The following SNAP29 variants were observed in gnomAD, a reference collection of about 807,000 sequenced individuals.
SNAP29 encodes the protein synaptosomal-associated protein 29.
Under a neutral mutation model 27.9 loss-of-function variants are expected in SNAP29, and 13 were observed. That is an observed-to-expected ratio of 0.47 (90% CI 0.30 to 0.74). The LOEUF (loss-of-function observed/expected upper bound fraction) is 0.74. SNAP29 is among the 30% of genes least tolerant of loss of function. SNAP29 has a pLI of 0.06. For missense variants in SNAP29, 368 were observed against 336.5 expected (o/e 1.09, Z -0.73); for synonymous variants, 119 against 127.1 (o/e 0.94, Z 0.43).
intron 1 of SNAP29, among the ~76,000 whole-genome samples, chr22:20,860,553 T>C (rs1928271606): frequency 6.6e-6 from 1 of 151,634 alleles, no homozygotes; most frequent in South Asian, 2.1e-4. Flanking sequence ...GTATTTGTAG[T>C]GGAGACAGGG....
At chr22:20,887,540 A>C in intron 4 of SNAP29, 139 bp from the exon 5 acceptor site, 3 of 879,224 alleles carry the variant, frequency 3.4e-6, no homozygotes, top group Non-Finnish European at 5.8e-6. Flanking sequence ...CAATTAAGTC[A>C]AGACTCATCT....
Position 20,889,665 on chromosome 22 carries a change from G to A in SNAP29, c.*1829G>A, listed in dbSNP as rs1601658027. On this transcript the variant is annotated 3_prime_UTR_variant, in exon 5 of 5. Transcript: ENST00000215730. ...GCTTTTGTGCACGGTTCCACTTACT[G>A]TAATTGTTTCTGGTTCTTTCCTCTA... 2.0e-5 allele frequency: 3 copies of A among 152,208 alleles called. No homozygotes were observed. 9.4% of individuals were successfully genotyped at this position (152,208 alleles called of 1,614,324 possible).
chr22:20,890,091 C>T lies in SNAP29; in HGVS notation c.*2255C>T. On this transcript the variant is annotated 3_prime_UTR_variant, in exon 5 of 5. Transcript: ENST00000215730. ...CGTTCTACGTCCTGTGCTGAGGGGA[C>T]TGTCCGTAAGCTACAGGACAGCGAG... 1 of 395,380 alleles carries T rather than the reference C, an allele frequency of 2.5e-6. No individual in the cohort carries two copies. Among genetic ancestry groups the T allele is most frequent in the Non-Finnish European group, 4.5e-6 (1 of 224,648 alleles). 24.5% of individuals were successfully genotyped at this position (395,380 alleles called of 1,614,324 possible).
chr22:20,864,909 G>A (rs1408112595), intron 1 of SNAP29, among the ~76,000 whole-genome samples: 1 of 152,246 alleles, frequency 6.6e-6, no homozygotes, highest in East Asian at 1.9e-4. Flanking sequence ...TGCCTGTCCT[G>A]TGACCAGAAA....
At chr22:20,876,156 C>CA (rs1022119689) in intron 2 of SNAP29, among the ~76,000 whole-genome samples, 1,224 of 110,530 alleles carry the variant, frequency 0.011, 14 homozygotes, top group African/African-American at 0.03. Context: ...GACTCCATCT[C>CA]AAAAAAAAAA....
rs1033555502 is a variant in SNAP29 at position 20,883,518 on chromosome 22, C to G, written c.568C>G (p.Pro190Ala). The G allele has an allele frequency of 1.2e-6, 2 of 1,613,666 alleles. No homozygotes were observed. Among genetic ancestry groups the G allele is most frequent in the African/African-American group, 2.7e-5 (2 of 74,902 alleles). ...AGSAMSTDAY[P>A]KNPHLRAYHQ... The stretch of plus-strand genomic sequence containing the variant: ...TTCTGCCATGAGTACTGATGCTTAC[C>G]CAAAGAACCCACACCTTCGAGCCTA... The change falls in exon 4 of 5, where the codon CCA becomes GCA. Residue 190 changes from proline to alanine, a missense_variant. Physicochemically the swap from Pro to Ala is conservative, Grantham distance 27. Coordinates refer to ENST00000215730, the MANE Select transcript of SNAP29 (RefSeq NM_004782.4).
intron 4 of SNAP29, among the ~76,000 whole-genome samples, chr22:20,884,766 ATGTTT>A (rs361756): frequency 5.3e-4 from 80 of 150,904 alleles, no homozygotes; most frequent in Admixed American, 2.1e-3. Context: ...CTTAGTGATT[ATGTTT>A]TGTTTTGTTT....
intron 1 of SNAP29, 121 bp from the exon 2 acceptor site, chr22:20,870,216 C>T: frequency 2.4e-6 from 2 of 823,442 alleles, no homozygotes; most frequent in Admixed American, 1.9e-5. Flanking sequence ...TCACAGATGA[C>T]AGTACCCGTC....
chr22:20,860,280 C>T (rs1409323528), intron 1 of SNAP29, among the ~76,000 whole-genome samples: 1 of 151,606 alleles, frequency 6.6e-6, no homozygotes, highest in African/African-American at 2.4e-5. Flanking sequence ...TCGCTTGTAC[C>T]CGGGAGGCAG....
At chr22:20,881,212 G>A (rs927657329) in intron 3 of SNAP29, 78 bp downstream of exon 3, 5 of 1,017,642 alleles carry the variant, frequency 4.9e-6, no homozygotes, top group African/African-American at 4.8e-5. Flanking sequence ...TCCTTGGGGG[G>A]CAGTGGCAAC....
intron 1 of SNAP29, among the ~76,000 whole-genome samples, chr22:20,869,096 CA>C (rs762306785): frequency 2.6e-5 from 4 of 152,054 alleles, no homozygotes; most frequent in Non-Finnish European, 5.9e-5. Context: ...CCGTCTCTAC[CA>C]AAAATACAAA....
chr22:20,879,768 G>A (rs750638502), intron 2 of SNAP29, among the ~76,000 whole-genome samples: 34 of 150,216 alleles, frequency 2.3e-4, no homozygotes, highest in Non-Finnish European at 4.6e-4. Context: ...ACTTGAACCC[G>A]GGAGGCAGAG....
Position 20,887,939 on chromosome 22 carries a change from T to G in SNAP29, c.*103T>G, listed in dbSNP as rs1192363105. On this transcript the variant is annotated 3_prime_UTR_variant, in exon 5 of 5. Coordinates refer to ENST00000215730, the MANE Select transcript of SNAP29 (RefSeq NM_004782.4). ...CTATTTTAGTATGTAAATTAATGTG[T>G]GTTTGCAAATGTTATAATAGAGTAG... is the stretch of plus-strand genomic sequence containing the variant. 8.9e-7 allele frequency: 1 copy of G among 1,124,564 alleles called. No homozygotes were observed. Among genetic ancestry groups the G allele is most frequent in the African/African-American group, 1.5e-5 (1 of 64,552 alleles). 69.7% of individuals were successfully genotyped at this position (1,124,564 alleles called of 1,614,324 possible).
intron 1 of SNAP29, among the ~76,000 whole-genome samples, chr22:20,866,953 C>A (rs1015819378): frequency 6.6e-6 from 1 of 152,144 alleles, no homozygotes; most frequent in Non-Finnish European, 1.5e-5. Flanking sequence ...GCTTTAGTTT[C>A]TGCCTCCCCC....
chr22:20,890,247 T>C lies in SNAP29; in HGVS notation c.*2411T>C, dbSNP rs139989203. 2.1e-3 allele frequency: 833 copies of C among 398,524 alleles called. 9 individuals carry two copies. Among genetic ancestry groups the C allele is most frequent in the Non-Finnish European group, 9.0e-4 (204 of 226,048 alleles). 24.7% of individuals were successfully genotyped at this position (398,524 alleles called of 1,614,324 possible). ...GACGTAACATGGCTCCAGAAACTTTTCACATGATGATTGGGATCGACAAAA... is the reference window on the plus strand; with the variant it reads ...GACGTAACATGGCTCCAGAAACTTTCCACATGATGATTGGGATCGACAAAA... On this transcript the variant is annotated 3_prime_UTR_variant, in exon 5 of 5. Coordinates refer to ENST00000215730, the MANE Select transcript of SNAP29 (RefSeq NM_004782.4).
intron 1 of SNAP29, 121 bp downstream of exon 1, chr22:20,859,468 C>A: frequency 1.3e-6 from 1 of 774,986 alleles, no homozygotes; most frequent in Non-Finnish European, 2.3e-6. Flanking sequence ...ATTCTTGCAC[C>A]TTAGTGACTC....
chr22:20,862,023 G>A (rs2147859311), intron 1 of SNAP29, among the ~76,000 whole-genome samples: 1 of 152,304 alleles, frequency 6.6e-6, no homozygotes, highest in Middle Eastern at 3.4e-3. Context: ...GCCCACCTCA[G>A]CCTCCCAAAG....
At chr22:20,870,219 T>G in intron 1 of SNAP29, 118 bp from the exon 2 acceptor site, 4 of 840,544 alleles carry the variant, frequency 4.8e-6, no homozygotes, top group Non-Finnish European at 8.1e-6. Flanking sequence ...CAGATGACAG[T>G]ACCCGTCTCC....
Position 20,870,438 on chromosome 22 carries a change from G to C in SNAP29, c.339G>C (p.Lys113Asn), listed in dbSNP as rs369547656. Reference protein sequence around the residue: ...KISQKHINSIKSVFGGLVNYF... With the variant: ...KISQKHINSINSVFGGLVNYF... ...GCCAGAAACACATCAATAGCATTAAGAGCGTGTTTGGGGGGCTGGTCAATT... is the reference window on the plus strand; with the variant it reads ...GCCAGAAACACATCAATAGCATTAACAGCGTGTTTGGGGGGCTGGTCAATT... Residue 113 changes from lysine to asparagine, a missense_variant, in exon 2 of 5, where the codon AAG becomes AAC. Lys to Asn is a moderately conservative substitution (Grantham distance 94). Coordinates refer to ENST00000215730, the MANE Select transcript of SNAP29 (RefSeq NM_004782.4). 8.7e-6 allele frequency: 14 copies of C among 1,614,210 alleles called. No homozygotes were observed. The highest frequency in any genetic ancestry group is 1.2e-5 in the Non-Finnish European group (14 of 1,180,034).
Sources: gnomAD v4.1 joint callset for allele counts (sites outside exome capture counted in the v4.1 genomes callset) on GRCh38, gnomAD v4.1.1 for gene constraint, MANE v1.5 for transcripts, NCBI Gene and HGNC (gene_info 2026-07-23, HGNC 2026-07-21) for gene names.